LRRC37A2: variants seen among roughly 807,000 people sequenced by gnomAD.
LRRC37A2 encodes leucine rich repeat containing 37 member A2.
LRRC37A2 carries 9 observed loss-of-function variants against 68.8 expected under a neutral mutation model. The ratio of observed to expected loss-of-function variants is 0.13; its 90% CI spans 0.08 to 0.23. LRRC37A2 has a LOEUF of 0.23. Among genes scored for constraint, LRRC37A2 ranks in the 10% least tolerant of loss-of-function variants. The pLI, the probability that LRRC37A2 is intolerant of heterozygous loss-of-function variation, is 1.00. For missense variants in LRRC37A2, 168 were observed against 950.4 expected (o/e 0.18, Z 10.82); for synonymous variants, 63 against 367.6 (o/e 0.17, Z 9.48).
At chr17:46,913,426 G>A in the LRRC37A2 span, among the ~76,000 whole-genome samples, 196 of 152,348 alleles carry the variant, frequency 1.3e-3, 2 homozygotes, top group African/African-American at 4.4e-3. Flanking sequence ...GGAAGCATGG[G>A]GAAGGGGTTC....
At chr17:46,736,706 C>T in the LRRC37A2 span, among the ~76,000 whole-genome samples, 1 of 152,204 alleles carries the variant, frequency 6.6e-6, no homozygotes. Context: ...TACTAATTTG[C>T]TGCTAACCAC....
chr17:46,924,416 A>G, the LRRC37A2 span: 5 of 152,258 alleles, frequency 3.3e-5, no homozygotes, highest in East Asian at 7.7e-4. Context: ...TAATACTGCT[A>G]TGAACTCTGG....
the LRRC37A2 span, among the ~76,000 whole-genome samples, chr17:46,860,823 G>A: frequency 2.0e-5 from 3 of 152,150 alleles, no homozygotes; most frequent in South Asian, 2.1e-4. Flanking sequence ...CAGGAGGTAG[G>A]TGCTGATATA....
the LRRC37A2 span, among the ~76,000 whole-genome samples, chr17:46,946,164 G>T: frequency 1.3e-5 from 2 of 151,982 alleles, no homozygotes; most frequent in South Asian, 2.1e-4. Flanking sequence ...GGCTGGGCGC[G>T]GTGTCTCATG....
chr17:46,874,963 C>A, the LRRC37A2 span: 1 of 1,366,572 alleles, frequency 7.3e-7, no homozygotes, highest in Non-Finnish European at 1.0e-6. Flanking sequence ...GTCCTCAAGC[C>A]ACATTCTCTT....
At chr17:46,936,854 G>A in the LRRC37A2 span, 1 of 982,916 alleles carries the variant, frequency 1.0e-6, no homozygotes, top group Non-Finnish European at 1.2e-6. Context: ...TCTGGCTGAG[G>A]CTTCTTAATT....
the LRRC37A2 span, among the ~76,000 whole-genome samples, chr17:46,771,981 A>C: frequency 6.9e-6 from 1 of 145,890 alleles, no homozygotes; most frequent in African/African-American, 2.5e-5. Flanking sequence ...CGCCGCCCCC[A>C]GACTCGCGGA....
the LRRC37A2 span, among the ~76,000 whole-genome samples, chr17:46,869,889 C>T: frequency 1.3e-5 from 2 of 152,074 alleles, no homozygotes; most frequent in East Asian, 1.9e-4. Context: ...GTCCCAGCTA[C>T]TCGGGAGGCT....
At chr17:46,983,270 T>C in the LRRC37A2 span, among the ~76,000 whole-genome samples, 2 of 151,496 alleles carry the variant, frequency 1.3e-5, no homozygotes, top group African/African-American at 4.9e-5. Context: ...CCTTCTGTGG[T>C]TTCTGTCTGC....
the LRRC37A2 span, among the ~76,000 whole-genome samples, chr17:47,029,770 C>T: frequency 2.6e-5 from 4 of 152,042 alleles, no homozygotes; most frequent in African/African-American, 9.7e-5. Flanking sequence ...ACTGGGAGTC[C>T]CTCATAAAAA....
At chr17:46,798,728 C>T in the LRRC37A2 span, among the ~76,000 whole-genome samples, 1 of 152,116 alleles carries the variant, frequency 6.6e-6, no homozygotes, top group Non-Finnish European at 1.5e-5. Context: ...ATTAAATCTA[C>T]ACAGACCACT....
chr17:46,806,554 T>C, the LRRC37A2 span, among the ~76,000 whole-genome samples: 1 of 152,176 alleles, frequency 6.6e-6, no homozygotes, highest in African/African-American at 2.4e-5. Flanking sequence ...AGAGGCTGCT[T>C]TCTCGAGGCT....
the LRRC37A2 span, chr17:46,886,331 A>T: frequency 6.6e-6 from 1 of 152,252 alleles, no homozygotes; most frequent in African/African-American, 2.4e-5. Context: ...GAAGACATCA[A>T]AGATGCATAG....
At chr17:46,718,119 G>A in the LRRC37A2 span, among the ~76,000 whole-genome samples, 6 of 152,302 alleles carry the variant, frequency 3.9e-5, no homozygotes, top group Non-Finnish European at 7.4e-5. Flanking sequence ...ACTGACAGCT[G>A]GTCCTGAGGG....
chr17:46,889,334 C>CG, the LRRC37A2 span, among the ~76,000 whole-genome samples: 1 of 152,074 alleles, frequency 6.6e-6, no homozygotes, highest in Non-Finnish European at 1.5e-5. Context: ...CTGGGCGTGG[C>CG]GGGGGTGGCT....
the LRRC37A2 span, among the ~76,000 whole-genome samples, chr17:46,794,358 C>T: frequency 6.6e-6 from 1 of 152,158 alleles, no homozygotes; most frequent in Admixed American, 6.6e-5. Context: ...ATCTATGGGG[C>T]TGAAAGAAGC....
the LRRC37A2 span, chr17:46,938,693 A>T: frequency 6.2e-7 from 1 of 1,613,738 alleles, no homozygotes; most frequent in Admixed American, 1.7e-5. Flanking sequence ...CAGGACAAGT[A>T]CTTTATGATA....
the LRRC37A2 span, among the ~76,000 whole-genome samples, chr17:46,494,882 C>G: frequency 1.3e-5 from 2 of 151,092 alleles, no homozygotes; most frequent in African/African-American, 4.9e-5. Context: ...ATTGTTGACT[C>G]TAGTCACCCT....
chr17:46,981,422 C>T, the LRRC37A2 span, among the ~76,000 whole-genome samples: 16 of 152,158 alleles, frequency 1.1e-4, no homozygotes, highest in African/African-American at 3.6e-4. Flanking sequence ...AGTTCCACCC[C>T]TCTTTCTCTT....
Sources: gnomAD v4.1 joint callset for allele counts (sites outside exome capture counted in the v4.1 genomes callset) on GRCh38, gnomAD v4.1.1 for gene constraint, MANE v1.5 for transcripts, NCBI Gene and HGNC (gene_info 2026-07-23, HGNC 2026-07-21) for gene names.